AGBL5: variants seen among roughly 807,000 people sequenced by gnomAD.
AGBL5 encodes the protein AGBL carboxypeptidase 5.
Under a neutral mutation model 88.0 loss-of-function variants are expected in AGBL5, and 51 were observed. The observed-to-expected ratio is 0.58, with a 90% CI of 0.46 to 0.73. AGBL5 has a LOEUF of 0.73. Ranked by LOEUF, AGBL5 falls within the 30% of genes least tolerant of loss-of-function variation. The pLI is 0.00. For missense variants in AGBL5, 1,031 were observed against 1,162.2 expected (o/e 0.89, Z 1.64); for synonymous variants, 446 against 438.8 (o/e 1.02, Z -0.21).
At chr2:27,068,090 A>T (rs1669084734) in intron 12 of AGBL5, among the ~76,000 whole-genome samples, 1 of 152,104 alleles carries the variant, frequency 6.6e-6, no homozygotes, top group African/African-American at 2.4e-5. Flanking sequence ...TAAATTATAG[A>T]CCCAGCTATA....
chr2:27,056,431 TAAAAA>T, intron 7 of AGBL5, 187 bp from the exon 8 acceptor site: 1 of 579,008 alleles, frequency 1.7e-6, no homozygotes, highest in Non-Finnish European at 2.8e-6. Flanking sequence ...GCTAAAAGCT[TAAAAA>T]AAAAAGAATT....
At chr2:27,050,771 T>C (rs553505991), upstream of AGBL5, among the ~76,000 whole-genome samples, 9 of 152,122 alleles carry the variant, frequency 5.9e-5, no homozygotes, top group South Asian at 1.2e-3. Flanking sequence ...CAGCATCTTA[T>C]CGCAGCGGAG....
intron 5 of AGBL5, 124 bp from the exon 6 acceptor site, chr2:27,054,951 C>T: frequency 6.7e-7 from 1 of 1,484,186 alleles, no homozygotes; most frequent in Non-Finnish European, 9.2e-7. Context: ...CCCTGCTCCA[C>T]TTGCAGATTC....
chr2:27,056,165 G>A lies in AGBL5; in HGVS notation c.1365+27G>A, dbSNP rs777600997. On this transcript the variant is annotated intron_variant, in intron 7 of 14. Coordinates refer to ENST00000360131, the MANE Select transcript of AGBL5 (RefSeq NM_021831.6). The stretch of plus-strand genomic sequence containing the variant: ...TGGGAATCCTAAGAATGTCATGTGA[G>A]TGTGAGAAGTGTTACAGGTTAGGAG... The A allele has an allele frequency of 3.8e-6, 6 of 1,597,154 alleles. 1 individual carries two copies. In the South Asian group the frequency reaches 5.5e-5, roughly 15 times the overall value.
intron 1 of AGBL5, 126 bp from the exon 2 acceptor site, chr2:27,052,787 G>C: frequency 1.9e-6 from 1 of 520,668 alleles, no homozygotes; most frequent in Non-Finnish European, 3.2e-6. Flanking sequence ...TGTTTTCTAA[G>C]AGGGAGACAG....
Position 27,058,480 on chromosome 2 carries a change from C to A in AGBL5, c.1752C>A (p.Ser584Arg). ...PWPRIVLSEH[S>R]SLTNLRAWML... is the part of the protein sequence containing the mutation. ...CCCGAATTGTACTGTCAGAGCACAGCAGCCTTACTAATCTACGGGCCTGGA... is the reference window on the plus strand; with the variant it reads ...CCCGAATTGTACTGTCAGAGCACAGAAGCCTTACTAATCTACGGGCCTGGA... The change falls in exon 10 of 15, where the codon AGC becomes AGA. Residue 584 changes from serine (S) to arginine (R), a missense_variant. Physicochemically the swap from Ser to Arg is moderately radical, Grantham distance 110 (BLOSUM62 -1). This residue lies in a region of AGBL5 where 491 missense variants were observed against 484.0 expected (regional missense o/e 1.01). Coordinates refer to ENST00000360131, the MANE Select transcript of AGBL5 (RefSeq NM_021831.6). 1.2e-6 allele frequency: 2 copies of A among 1,614,170 alleles called. No homozygotes were observed. Among genetic ancestry groups the A allele is most frequent in the Non-Finnish European group, 1.7e-6 (2 of 1,180,046 alleles).
intron 11 of AGBL5, 142 bp downstream of exon 11, chr2:27,059,546 C>T (rs764897115): frequency 7.3e-6 from 11 of 1,513,634 alleles, no homozygotes; most frequent in Non-Finnish European, 9.7e-6. Context: ...CCTGTGGCCT[C>T]TCCTACGACC....
intron 10 of AGBL5, among the ~76,000 whole-genome samples, chr2:27,058,893 C>T (rs1668571987): frequency 6.6e-6 from 1 of 152,176 alleles, no homozygotes. Context: ...GCCTCAGCTT[C>T]CAAGGGTTGT....
chr2:27,065,461 G>C (rs1668939873), intron 11 of AGBL5, among the ~76,000 whole-genome samples: 1 of 152,148 alleles, frequency 6.6e-6, no homozygotes, highest in African/African-American at 2.4e-5. Context: ...CATGGTGTCT[G>C]CTGTTCAAGT....
At position 27,068,711 on chromosome 2, in the gene AGBL5, A is replaced by G; in HGVS notation, c.2322A>G (p.Gly774=). The G allele has an allele frequency of 6.2e-7, 1 of 1,614,090 alleles. No individual in the cohort carries two copies. The highest frequency in any genetic ancestry group is 8.5e-7 in the Non-Finnish European group (1 of 1,180,020). The part of the protein sequence containing the change: ...MVIGKGLLGT[G]ARMPCIKTRL... Reference sequence around the variant, plus strand: ...TCGGGAAAGGTCTGCTAGGGACTGGAGCTCGGATGCCCTGCATCAAGACTC... The same window carrying G: ...TCGGGAAAGGTCTGCTAGGGACTGGGGCTCGGATGCCCTGCATCAAGACTC... The change falls in exon 13 of 15, where the codon GGA becomes GGG. Residue 774 remains glycine, a synonymous_variant. Transcript: ENST00000360131.
chr2:27,068,989 G>C (rs183073842), intron 13 of AGBL5: 1 of 1,459,272 alleles, frequency 6.9e-7, no homozygotes, highest in African/African-American at 1.4e-5. Context: ...CCCAACCTTA[G>C]CCTGCTAGCT....
intron 5 of AGBL5, 123 bp from the exon 6 acceptor site, chr2:27,054,952 T>C: frequency 2.7e-6 from 4 of 1,486,226 alleles, no homozygotes; most frequent in Non-Finnish European, 3.7e-6. Context: ...CCTGCTCCAC[T>C]TGCAGATTCA....
rs1238471316 is a variant in AGBL5 at position 27,055,832 on chromosome 2, T to C, written c.1059T>C (p.Ser353=). ...NSQSSSEHQP[S]SCLPPDAPVS... is the part of the protein sequence containing the mutation. The stretch of plus-strand genomic sequence containing the variant: ...AGAGTTCCTCTGAGCACCAGCCCAG[T>C]TCCTGTCTCCCTCCTGATGCTCCTG... Residue 353 remains serine (S), a synonymous_variant, in exon 7 of 15, where the codon AGT becomes AGC. Coordinates refer to ENST00000360131, the MANE Select transcript of AGBL5 (RefSeq NM_021831.6). The C allele has an allele frequency of 2.5e-6, 4 of 1,614,188 alleles. No homozygotes were observed. The Admixed American group carries it at 6.7e-5, about 27-fold the overall frequency.
At chr2:27,062,000 G>C (rs1158213526) in intron 11 of AGBL5, among the ~76,000 whole-genome samples, 1 of 151,740 alleles carries the variant, frequency 6.6e-6, no homozygotes, top group African/African-American at 2.4e-5. Flanking sequence ...TTTTAGTAGA[G>C]ACAAGATTTC....
intron 14 of AGBL5, 48 bp from the exon 15 acceptor site, chr2:27,070,040 GAAGA>G: frequency 6.3e-7 from 1 of 1,577,292 alleles, no homozygotes; most frequent in Non-Finnish European, 8.6e-7. Context: ...TAGCAGAACA[GAAGA>G]GGAGGAGAGT....
intron 4 of AGBL5, 167 bp downstream of exon 4, chr2:27,054,226 G>GA: frequency 1.2e-6 from 1 of 825,294 alleles, no homozygotes; most frequent in Non-Finnish European, 1.8e-6. Flanking sequence ...GTTTCTGTAT[G>GA]ACCCTGATCT....
At chr2:27,057,124 C>A in intron 8 of AGBL5, 179 bp from the exon 9 acceptor site, 2 of 636,826 alleles carry the variant, frequency 3.1e-6, no homozygotes, top group Non-Finnish European at 5.2e-6. Flanking sequence ...CTTGGGGGGA[C>A]TCTCTGGGTA....
At chr2:27,060,493 C>T (rs1238081355) in intron 11 of AGBL5, among the ~76,000 whole-genome samples, 1 of 152,238 alleles carries the variant, frequency 6.6e-6, no homozygotes, top group Non-Finnish European at 1.5e-5. Flanking sequence ...GGCCTCTGCA[C>T]TACAGAAGTC....
In AGBL5 at chr2:27,057,324, C is replaced by T; in HGVS notation, c.1557C>T (p.Tyr519=). ...TTAGCTACACACTTGAATGCAACTACAACACTGGACGCTCAGTAAACAGCA... is the reference window on the plus strand; with the variant it reads ...TTAGCTACACACTTGAATGCAACTATAACACTGGACGCTCAGTAAACAGCA... ...IIHSYTLECN[Y]NTGRSVNSIP... is the part of the protein sequence containing the mutation. Residue 519 remains tyrosine, a synonymous_variant, in exon 9 of 15, where the codon TAC becomes TAT. Coordinates refer to ENST00000360131, the MANE Select transcript of AGBL5 (RefSeq NM_021831.6). 1 of 1,613,720 alleles carries T rather than the reference C, an allele frequency of 6.2e-7. No homozygotes were observed. The highest frequency in any genetic ancestry group is 8.5e-7 in the Non-Finnish European group (1 of 1,179,834).
Sources: gnomAD v4.1 joint callset for allele counts (sites outside exome capture counted in the v4.1 genomes callset) on GRCh38, gnomAD v4.1.1 for gene constraint, gnomAD v4.1.1 regional missense constraint, MANE v1.5 for transcripts, NCBI Gene and HGNC (gene_info 2026-07-23, HGNC 2026-07-21) for gene names.